AKT2: variants seen among roughly 807,000 people sequenced by gnomAD.
AKT2 encodes the protein AKT serine/threonine kinase 2, also known as RAC-beta serine/threonine-protein kinase.
In AKT2, 16 loss-of-function variants were observed where a neutral mutation model predicts 58.6. The ratio of observed to expected loss-of-function variants is 0.27; its 90% CI spans 0.18 to 0.41. AKT2 has a LOEUF of 0.41. AKT2 is among the 10% of genes least tolerant of loss of function. The pLI, the probability that AKT2 is intolerant of heterozygous loss-of-function variation, is 1.00. For missense variants in AKT2, 438 were observed against 661.0 expected (o/e 0.66, Z 3.70); for synonymous variants, 253 against 254.0 (o/e 1.00, Z 0.04).
At chr19:40,271,004 CTG>C (rs1393730299) in intron 1 of AKT2, among the ~76,000 whole-genome samples, 1 of 150,740 alleles carries the variant, frequency 6.6e-6, no homozygotes, top group African/African-American at 2.5e-5. Context: ...CAGAGCAAAA[CTG>C]TGTCTCAAAA....
rs780960958 is a variant in AKT2, at chr19:40,233,416, G to A, written c.*456C>T. 3.6e-4 allele frequency: 172 copies of A among 475,588 alleles called. No homozygotes were observed. The highest frequency in any genetic ancestry group is 5.4e-4 in the Non-Finnish European group (136 of 250,996). The allele number at this position is 475,588 out of a possible 1,614,324, so 29.5% of individuals were successfully genotyped here. A position where few individuals can be genotyped will look rare whatever the true frequency, so the allele number is the denominator to read the frequency against. ...GGACCGCCCCGTGCCTGGCCACTCC[G>A]AGCCTAGGCCACGGGGCCTGGAAGG... On this transcript the variant is annotated 3_prime_UTR_variant, in exon 14 of 14. Coordinates refer to ENST00000392038, the MANE Select transcript of AKT2 (RefSeq NM_001626.6). The surrounding 1 kb of genome is among the most constrained non-coding windows in gnomAD (Gnocchi z 4.3).
chr19:40,231,080 G>A lies in AKT2; in HGVS notation c.*2792C>T. 1 of 220,602 alleles carries A rather than the reference G, an allele frequency of 4.5e-6. No homozygotes were observed. Among genetic ancestry groups the A allele is most frequent in the Non-Finnish European group, 8.9e-6 (1 of 112,018 alleles). 13.7% of individuals were successfully genotyped at this position (220,602 alleles called of 1,614,324 possible). The stretch of plus-strand genomic sequence containing the variant: ...AATTTTTAAAATGTACATTGCAAAA[G>A]ACGATTATTCTACTCAAAATTTATT... On this transcript the variant is annotated 3_prime_UTR_variant, in exon 14 of 14. Coordinates refer to ENST00000392038, the MANE Select transcript of AKT2 (RefSeq NM_001626.6).
intron 4 of AKT2, among the ~76,000 whole-genome samples, chr19:40,252,236 C>T (rs1184240675): frequency 6.6e-6 from 1 of 152,176 alleles, no homozygotes; most frequent in African/African-American, 2.4e-5. Flanking sequence ...AGGGGGCCTC[C>T]CTCTTGCTGG....
chr19:40,244,922 C>T (rs566559578), intron 4 of AKT2, among the ~76,000 whole-genome samples: 20 of 152,194 alleles, frequency 1.3e-4, no homozygotes, highest in Admixed American at 2.6e-4. Context: ...GTGTACCACG[C>T]GAAACTACTT....
At chr19:40,255,058 C>T in intron 4 of AKT2, 100 bp downstream of exon 4, 1 of 969,976 alleles carries the variant, frequency 1.0e-6, no homozygotes, top group Non-Finnish European at 1.7e-6. Context: ...ATAGGAAACC[C>T]CTATGTAGGG....
intron 1 of AKT2, chr19:40,275,411 T>C (rs906096335): frequency 4.7e-6 from 2 of 425,792 alleles, no homozygotes; most frequent in Middle Eastern, 3.4e-4. Context: ...GCATCAAGGC[T>C]AATACTCAGT....
At chr19:40,253,084 G>A (rs1975283627) in intron 4 of AKT2, among the ~76,000 whole-genome samples, 2 of 152,130 alleles carry the variant, frequency 1.3e-5, no homozygotes, top group African/African-American at 2.4e-5. Context: ...GCCATATGTG[G>A]CTCTTTAAAT....
intron 1 of AKT2, chr19:40,274,316 G>A (rs1191876763): frequency 6.5e-6 from 1 of 153,018 alleles, no homozygotes; most frequent in Admixed American, 6.5e-5. Flanking sequence ...AGGGGGGAGT[G>A]GTGAACAGAA....
intron 1 of AKT2, among the ~76,000 whole-genome samples, chr19:40,267,198 T>C (rs1207309902): frequency 2.0e-5 from 3 of 152,106 alleles, no homozygotes; most frequent in African/African-American, 7.2e-5. Context: ...GCTCAGAACC[T>C]TTGTGGCTCC....
rs1973854571 is a variant in AKT2, at chr19:40,233,969, G to A, written c.1367-18C>T. On this transcript the variant is annotated intron_variant, in intron 13 of 13. Coordinates refer to ENST00000392038, the MANE Select transcript of AKT2 (RefSeq NM_001626.6). This position sits in a 1 kb window ranked among gnomAD's most constrained non-coding sequence, Gnocchi z 4.3. ...GCTGTCATCTGTGGGCGGCAGAGGTGGATGGGGAGGACCAGTCAGGAGAGG... is the reference window on the plus strand; with the variant it reads ...GCTGTCATCTGTGGGCGGCAGAGGTAGATGGGGAGGACCAGTCAGGAGAGG... The A allele has an allele frequency of 1.2e-6, 2 of 1,607,800 alleles. No individual in the cohort carries two copies. The highest frequency in any genetic ancestry group is 2.2e-5 in the South Asian group (2 of 90,954).
At chr19:40,260,471 A>G (rs1324034228) in intron 2 of AKT2, among the ~76,000 whole-genome samples, 2 of 151,750 alleles carry the variant, frequency 1.3e-5, no homozygotes, top group African/African-American at 2.4e-5. Context: ...CTCTACTAAA[A>G]ATATAAAAAT....
At chr19:40,253,906 T>C (rs1975348892) in intron 4 of AKT2, among the ~76,000 whole-genome samples, 1 of 149,644 alleles carries the variant, frequency 6.7e-6, no homozygotes, top group Non-Finnish European at 1.5e-5. Context: ...TCTCTCCATA[T>C]ATCAAGGCAA....
At chr19:40,264,141 G>A (rs1264653244) in intron 2 of AKT2, among the ~76,000 whole-genome samples, 1 of 152,194 alleles carries the variant, frequency 6.6e-6, no homozygotes, top group Non-Finnish European at 1.5e-5. Context: ...CACAGGCGCT[G>A]CTCAGCACGT....
Position 40,232,222 on chromosome 19 carries a change from C to T in AKT2, c.*1650G>A, listed in dbSNP as rs570168496. The stretch of plus-strand genomic sequence containing the variant: ...CCCTCACCCTGAGCTCAGTGCCCTC[C>T]TTGCTGAAGGGAACGGCTAGTACAG... On this transcript the variant is annotated 3_prime_UTR_variant, in exon 14 of 14. Coordinates refer to ENST00000392038, the MANE Select transcript of AKT2 (RefSeq NM_001626.6). The T allele has an allele frequency of 4.4e-4, 103 of 233,776 alleles. 2 individuals carry two copies. Among genetic ancestry groups the T allele is most frequent in the Non-Finnish European group, 8.5e-5 (10 of 118,154 alleles). 14.5% of individuals were successfully genotyped at this position (233,776 alleles called of 1,614,324 possible).
rs1973973169 is a variant in AKT2, at chr19:40,235,578, A to G, written c.1176-228T>C. 1.6e-6 allele frequency: 1 copy of G among 624,932 alleles called. No individual in the cohort carries two copies. Among genetic ancestry groups the G allele is most frequent in the Non-Finnish European group, 2.8e-6 (1 of 351,230 alleles). The allele number at this position is 624,932 out of a possible 1,614,324, so 38.7% of individuals were successfully genotyped here. ...GTCCTCACTGCCTGGCCTTACCCTG[A>G]GTCCAGAAAGGGAGTTAGTAGGGCA... On this transcript the variant is annotated intron_variant, in intron 11 of 13. Transcript: ENST00000392038. This position sits in a 1 kb window ranked among gnomAD's most constrained non-coding sequence, Gnocchi z 6.3.
intron 4 of AKT2, among the ~76,000 whole-genome samples, chr19:40,253,965 A>G (rs1202624408): frequency 6.6e-6 from 1 of 151,658 alleles, no homozygotes; most frequent in Non-Finnish European, 1.5e-5. Context: ...AGCATGTACA[A>G]TGCTACCTTT....
Position 40,234,969 on chromosome 19 carries a change from A to G in AKT2, c.1366+76T>C, listed in dbSNP as rs2145156300. The G allele has an allele frequency of 7.5e-7, 1 of 1,338,544 alleles. No individual in the cohort carries two copies. The highest frequency in any genetic ancestry group is 1.8e-4 in the Middle Eastern group (1 of 5,566). The allele number at this position is 1,338,544 out of a possible 1,614,324, so 82.9% of individuals were successfully genotyped here. Reference sequence around the variant, plus strand: ...CGGGGGCCTTCGAGGGCCCTCCTTGAGAAGTGAGTTAAGAGCAGATCCCAT... The same window carrying G: ...CGGGGGCCTTCGAGGGCCCTCCTTGGGAAGTGAGTTAAGAGCAGATCCCAT... On this transcript the variant is annotated intron_variant, in intron 13 of 13. Transcript: ENST00000392038. The surrounding 1 kb of genome is among the most constrained non-coding windows in gnomAD (Gnocchi z 4.7).
At chr19:40,270,386 T>C (rs1295988946) in intron 1 of AKT2, 1 of 149,874 alleles carries the variant, frequency 6.7e-6, no homozygotes, top group South Asian at 2.1e-4. Context: ...TAAGTATCTG[T>C]GGAATGAACA....
At chr19:40,246,780 A>G (rs1974778505) in intron 4 of AKT2, among the ~76,000 whole-genome samples, 1 of 152,210 alleles carries the variant, frequency 6.6e-6, no homozygotes, top group Non-Finnish European at 1.5e-5. Flanking sequence ...TCCAGATGGG[A>G]ATCAGGAGCA....
Sources: gnomAD v4.1 joint callset for allele counts (sites outside exome capture counted in the v4.1 genomes callset) on GRCh38, gnomAD v4.1.1 for gene constraint, Gnocchi (gnomAD v3.1) non-coding constraint, MANE v1.5 for transcripts, NCBI Gene and HGNC (gene_info 2026-07-23, HGNC 2026-07-21) for gene names.